Variants in TCF7L2 observed in about 807,000 individuals in gnomAD.
TCF7L2 encodes the protein transcription factor 7 like 2.
In TCF7L2, 23 loss-of-function variants were observed where a neutral mutation model predicts 77.9. The observed-to-expected ratio is 0.30, with a 90% confidence interval of 0.21 to 0.42. The LOEUF is 0.42. Ranked by LOEUF, TCF7L2 falls within the 10% of genes least tolerant of loss-of-function variation. The pLI, the probability that TCF7L2 is intolerant of heterozygous loss-of-function variation, is 1.00. For missense variants in TCF7L2, 654 were observed against 793.1 expected, an observed-to-expected ratio of 0.82 and a Z score of 2.11; for synonymous variants, 413 against 340.2, an observed-to-expected ratio of 1.21 and a Z score of -2.36.
intron 3 of TCF7L2, among the ~76,000 whole-genome samples, chr10:112,962,236 A>G (rs1319791011): frequency 1.3e-5 from 2 of 152,170 alleles, no homozygotes; most frequent in Non-Finnish European, 2.9e-5. Flanking sequence ...CTGTGTACAG[A>G]TTGCCTAGGG....
At chr10:113,093,808 G>A (rs1010548091) in intron 5 of TCF7L2, among the ~76,000 whole-genome samples, 12 of 152,146 alleles carry the variant, frequency 7.9e-5, no homozygotes, top group African/African-American at 1.4e-4. Context: ...GCATATAACC[G>A]CATTCAGATA....
intron 13 of TCF7L2, among the ~76,000 whole-genome samples, chr10:113,165,264 G>C (rs1005761407): frequency 6.6e-6 from 1 of 152,172 alleles, no homozygotes; most frequent in East Asian, 1.9e-4. Flanking sequence ...TGCTGCTCTC[G>C]TATATAATTT....
chr10:113,021,147 T>C (rs960482894), intron 4 of TCF7L2, among the ~76,000 whole-genome samples: 9 of 152,148 alleles, frequency 5.9e-5, no homozygotes, highest in Non-Finnish European at 1.2e-4. Context: ...GAGACAAACA[T>C]GTTTCCTGCC....
intron 5 of TCF7L2, among the ~76,000 whole-genome samples, chr10:113,066,633 C>T (rs559892484): frequency 6.6e-6 from 1 of 152,138 alleles, no homozygotes; most frequent in Admixed American, 6.5e-5. Flanking sequence ...ATGGGTGGAA[C>T]CTATGTGGAC....
chr10:112,956,039 A>G (rs905328354), intron 3 of TCF7L2, among the ~76,000 whole-genome samples: 2 of 152,228 alleles, frequency 1.3e-5, no homozygotes, highest in African/African-American at 4.8e-5. Flanking sequence ...TGCAGTGGGT[A>G]AACTAGAAGG....
At chr10:113,033,217 T>C (rs1275412395) in intron 4 of TCF7L2, among the ~76,000 whole-genome samples, 1 of 150,462 alleles carries the variant, frequency 6.6e-6, no homozygotes, top group African/African-American at 2.4e-5. Context: ...TCCTCCTCCT[T>C]CTGCTGCTTC....
At chr10:113,016,058 G>T (rs1324653352) in intron 4 of TCF7L2, among the ~76,000 whole-genome samples, 2 of 133,432 alleles carry the variant, frequency 1.5e-5, no homozygotes, top group African/African-American at 3.3e-5. Flanking sequence ...GGCCATGCTT[G>T]GTGTATTTTT....
At chr10:113,156,036 G>T (rs2071797615) in intron 11 of TCF7L2, among the ~76,000 whole-genome samples, 1 of 152,168 alleles carries the variant, frequency 6.6e-6, no homozygotes, top group Non-Finnish European at 1.5e-5. Flanking sequence ...CTCAGCCCTG[G>T]GTGGAGCCTA....
chr10:112,998,470 T>C (rs767925260), intron 4 of TCF7L2, among the ~76,000 whole-genome samples: 1 of 152,174 alleles, frequency 6.6e-6, no homozygotes, highest in Non-Finnish European at 1.5e-5. Flanking sequence ...ATGAGATCTC[T>C]GCCGGACCAA....
intron 5 of TCF7L2, among the ~76,000 whole-genome samples, chr10:113,064,502 A>G (rs1333114751): frequency 2.0e-5 from 3 of 152,258 alleles, no homozygotes; most frequent in African/African-American, 7.2e-5. Context: ...GCAAATGCAC[A>G]TGGGTTATTT....
At chr10:112,990,082 T>G (rs1351839074) in intron 4 of TCF7L2, among the ~76,000 whole-genome samples, 2 of 152,148 alleles carry the variant, frequency 1.3e-5, no homozygotes, top group African/African-American at 2.4e-5. Context: ...CGTTTCCCAT[T>G]ACTGTTAATA....
At chr10:113,091,029 G>A (rs1324517362) in intron 5 of TCF7L2, among the ~76,000 whole-genome samples, 1 of 152,140 alleles carries the variant, frequency 6.6e-6, no homozygotes, top group Non-Finnish European at 1.5e-5. Flanking sequence ...AGCCTCCCGA[G>A]TAGCTGGGAT....
chr10:113,059,788 G>T (rs2056121377), intron 5 of TCF7L2, among the ~76,000 whole-genome samples: 1 of 152,252 alleles, frequency 6.6e-6, no homozygotes, highest in Non-Finnish European at 1.5e-5. Context: ...AAAAAAGACA[G>T]AAAATCACAT....
At chr10:112,973,747 G>A (rs770323178) in intron 4 of TCF7L2, among the ~76,000 whole-genome samples, 3 of 151,814 alleles carry the variant, frequency 2.0e-5, no homozygotes, top group African/African-American at 4.8e-5. Flanking sequence ...TTGCCACCAC[G>A]CCCTGGCTAA....
chr10:113,113,106 G>C (rs552211946), intron 5 of TCF7L2, among the ~76,000 whole-genome samples: 5 of 152,072 alleles, frequency 3.3e-5, no homozygotes, highest in Non-Finnish European at 7.4e-5. Context: ...GACCTCATGA[G>C]TGACAGGAGT....
At chr10:113,025,360 T>G (rs2048972633) in intron 4 of TCF7L2, among the ~76,000 whole-genome samples, 1 of 151,710 alleles carries the variant, frequency 6.6e-6, no homozygotes, top group South Asian at 2.1e-4. Flanking sequence ...TGTCTCAGCC[T>G]CCTGAGTAGC....
intron 5 of TCF7L2, among the ~76,000 whole-genome samples, chr10:113,100,061 A>G (rs1166123180): frequency 6.6e-6 from 1 of 152,210 alleles, no homozygotes; most frequent in Non-Finnish European, 1.5e-5. Flanking sequence ...TGATAGAGTC[A>G]GGTCATCCGT....
intron 4 of TCF7L2, among the ~76,000 whole-genome samples, chr10:112,993,009 C>T (rs1018353011): frequency 8.6e-5 from 13 of 151,986 alleles, no homozygotes; most frequent in African/African-American, 1.4e-4. Flanking sequence ...ATAATCCACC[C>T]GCCTCGGCCT....
chr10:113,148,081 A>G (rs1243517188), intron 8 of TCF7L2, among the ~76,000 whole-genome samples: 2 of 152,172 alleles, frequency 1.3e-5, no homozygotes, highest in Non-Finnish European at 2.9e-5. Flanking sequence ...GTTCCAGAAC[A>G]CCCTTTGATA....
Sources: gnomAD v4.1 joint callset for allele counts (sites outside exome capture counted in the v4.1 genomes callset) on GRCh38, gnomAD v4.1.1 for gene constraint, MANE v1.5 for transcripts, NCBI Gene and HGNC (gene_info 2026-07-23, HGNC 2026-07-21) for gene names.